Variants in KMT2B observed in about 807,000 individuals in gnomAD.
KMT2B encodes the protein histone-lysine N-methyltransferase 2B.
KMT2B carries 22 observed loss-of-function variants against 255.3 expected under a neutral mutation model. The ratio of observed to expected loss-of-function variants is 0.09; its 90% CI spans 0.06 to 0.12. The LOEUF is 0.12. KMT2B is among the 10% of genes least tolerant of loss of function. The pLI is 1.00. For synonymous variants in KMT2B, 1,730 were observed against 1,498.1 expected, an observed-to-expected ratio of 1.15 and a Z score of -3.57; for missense variants, 3,149 against 3,737.0, an observed-to-expected ratio of 0.84 and a Z score of 4.10.
rs1458319539 is a variant in KMT2B at position 35,725,346 on chromosome 19, C to T, written c.3642+13C>T. 1.3e-6 allele frequency: 2 copies of T among 1,556,274 alleles called. No individual in the cohort carries two copies. The highest frequency in any genetic ancestry group is 2.3e-5 in the East Asian group (1 of 44,404). Reference sequence around the variant, plus strand: ...AGGACTCCACGAGGTTAGATCTCTGCCTTTCTTCACAGACCCCCAGCTCTC... The same window carrying T: ...AGGACTCCACGAGGTTAGATCTCTGTCTTTCTTCACAGACCCCCAGCTCTC... On this transcript the variant is annotated intron_variant, in intron 11 of 36. Transcript: ENST00000420124. The surrounding 1 kb of genome is among the most constrained non-coding windows in gnomAD (Gnocchi z 4.1).
Position 35,730,464 on chromosome 19 carries a change from T to C in KMT2B, c.5197+2T>C. 1 of 1,613,902 alleles carries C rather than the reference T, an allele frequency of 6.2e-7. No homozygotes were observed. The highest frequency in any genetic ancestry group is 8.5e-7 in the Non-Finnish European group (1 of 1,179,774). ...CCGATGCCATCAACGTGCTCATTGG[T>C]AAGCTGCCTGCTCTCCGCCCTGTCC... On this transcript the variant is annotated splice_donor_variant, in intron 24 of 36. Coordinates refer to ENST00000420124, the MANE Select transcript of KMT2B (RefSeq NM_014727.3). LOFTEE classifies it high-confidence loss of function.
chr19:35,723,251 T>C lies in KMT2B; in HGVS notation c.2979T>C (p.Pro993=). Residue 993 remains proline (P), a synonymous_variant, in exon 6 of 37, where the codon CCT becomes CCC. Transcript: ENST00000420124. This position sits in a 1 kb window ranked among gnomAD's most constrained non-coding sequence, Gnocchi z 7.5. ...TAGACAAGCCCAAGTTTGGGGGCCC[T>C]AACACCAAGAAGCAGTGCTGTGTGT... ...NCLDKPKFGG[P]NTKKQCCVYR... The C allele has an allele frequency of 1.9e-6, 3 of 1,613,078 alleles. No individual in the cohort carries two copies. The highest frequency in any genetic ancestry group is 2.5e-6 in the Non-Finnish European group (3 of 1,179,774).
Position 35,718,284 on chromosome 19 carries a change from T to C in KMT2B, c.266T>C (p.Val89Ala). ...RLRRLWAGPR[V>A]QRGRGRGRGR... The stretch of plus-strand genomic sequence containing the variant: ...CGCCGCCTGTGGGCCGGCCCGCGGG[T>C]CCAGCGGGGCCGGGGACGGGGTCGG... The change falls in exon 1 of 37, where the codon GTC (valine) becomes GCC (alanine). Residue 89 changes from valine (V) to alanine (A), a missense_variant. This residue lies in a region of KMT2B where 1,188 missense variants were observed against 1,106.4 expected (regional missense o/e 1.07). Transcript: ENST00000420124. The surrounding 1 kb of genome is among the most constrained non-coding windows in gnomAD (Gnocchi z 5.0). 8.2e-7 allele frequency: 1 copy of C among 1,222,626 alleles called. No homozygotes were observed. The highest frequency in any genetic ancestry group is 1.0e-6 in the Non-Finnish European group (1 of 973,822). The allele number at this position is 1,222,626 out of a possible 1,614,324, so 75.7% of individuals were successfully genotyped here.
Position 35,723,491 on chromosome 19 carries a change from T to C in KMT2B, c.3047T>C (p.Leu1016Pro), listed in dbSNP as rs1969301123. The C allele has an allele frequency of 6.4e-7, 1 of 1,571,112 alleles. No individual in the cohort carries two copies. The highest frequency in any genetic ancestry group is 1.4e-5 in the African/African-American group (1 of 73,618). ...DKIEARKMER[L>P]AKKGRTIVKT... ...ATAGAGGCTCGGAAGATGGAACGAC[T>C]GGCTAAAAAAGGTGACGAGCTTTAA... Residue 1016 changes from leucine (L) to proline (P), a missense_variant, in exon 7 of 37, where the codon CTG (leucine) becomes CCG (proline). By Grantham distance (98) the Leu-to-Pro change is moderately conservative. Around this residue, in one of 18 missense-constraint regions of KMT2B, gnomAD observed 50 missense variants for 71.9 expected, o/e 0.70. Transcript: ENST00000420124. The surrounding 1 kb of genome is among the most constrained non-coding windows in gnomAD (Gnocchi z 7.5).
chr19:35,732,685 G>C lies in KMT2B; in HGVS notation c.6136G>C (p.Gly2046Arg). Residue 2046 changes from glycine (G) to arginine (R), a missense_variant, in exon 28 of 37, where the codon GGT becomes CGT. Gly to Arg is a moderately radical substitution (Grantham distance 125). Coordinates refer to ENST00000420124, the MANE Select transcript of KMT2B (RefSeq NM_014727.3). ...HFPVTVVSAP[G>R]LAPSATPGAP... Reference sequence around the variant, plus strand: ...CCCTGTGACTGTGGTGTCCGCCCCTGGTCTGGCCCCCAGCGCTACCCCTGG... The same window carrying C: ...CCCTGTGACTGTGGTGTCCGCCCCTCGTCTGGCCCCCAGCGCTACCCCTGG... The C allele has an allele frequency of 2.5e-6, 4 of 1,609,194 alleles. No individual in the cohort carries two copies. Among genetic ancestry groups the C allele is most frequent in the Non-Finnish European group, 3.4e-6 (4 of 1,178,076 alleles).
intron 30 of KMT2B, among the ~76,000 whole-genome samples, chr19:35,734,411 T>C (rs988094281): frequency 2.0e-5 from 3 of 152,114 alleles, no homozygotes; most frequent in African/African-American, 7.2e-5. Flanking sequence ...GAGACCATGG[T>C]TGAAGAAGGC....
rs1377570331 is a variant in KMT2B at position 35,727,314 on chromosome 19, AC to A, written c.4117+49del. ...GGGCTGCAGCCTCAACCCTGTGGGG[AC>A]CCCTGCCCCCACCACAGGCCCCAAG... On this transcript the variant is annotated intron_variant, in intron 15 of 36. Transcript: ENST00000420124. The surrounding 1 kb of genome is among the most constrained non-coding windows in gnomAD (Gnocchi z 4.2). 1.3e-6 allele frequency: 2 copies of A among 1,572,356 alleles called. No individual in the cohort carries two copies. The highest frequency in any genetic ancestry group is 1.7e-5 in the Admixed American group (1 of 59,840).
rs756417331 is a variant in KMT2B at position 35,719,525 on chromosome 19, G to C, written c.420G>C (p.Ala140=). The change falls in exon 2 of 37, where the codon GCG becomes GCC. Residue 140 remains alanine (A), a synonymous_variant. Coordinates refer to ENST00000420124, the MANE Select transcript of KMT2B (RefSeq NM_014727.3). ...TGGCCCCCAGTTCCCTGCGCTCTGC[G>C]CTCCGATCCCAGCGAGGTGAGTGAC... ...EDVAPSSLRS[A]LRSQRGRAPR... 3 of 1,591,390 alleles carry C rather than the reference G, an allele frequency of 1.9e-6. No individual in the cohort carries two copies. The highest frequency in any genetic ancestry group is 2.7e-5 in the African/African-American group (2 of 74,406).
At position 35,727,402 on chromosome 19, in the gene KMT2B, G is replaced by A. The variant is rs1398793780; in HGVS notation, c.4118-36G>A. The A allele has an allele frequency of 6.2e-7, 1 of 1,611,570 alleles. No homozygotes were observed. The highest frequency in any genetic ancestry group is 8.5e-7 in the Non-Finnish European group (1 of 1,178,502). On this transcript the variant is annotated intron_variant, in intron 15 of 36. Coordinates refer to ENST00000420124, the MANE Select transcript of KMT2B (RefSeq NM_014727.3). The surrounding 1 kb of genome is among the most constrained non-coding windows in gnomAD (Gnocchi z 4.2). ...GCTGCTGGGAGCCCTCACATCCTCT[G>A]AAACCACTTTTCCCTTTCCCACTTG...
chr19:35,734,453 C>G (rs914980092), intron 30 of KMT2B, among the ~76,000 whole-genome samples: 1 of 152,144 alleles, frequency 6.6e-6, no homozygotes, highest in Non-Finnish European at 1.5e-5. Flanking sequence ...CAGAGTTCAG[C>G]TAAGGATCGG....
chr19:35,722,429 G>C lies in KMT2B; in HGVS notation c.2528G>C (p.Arg843Pro), dbSNP rs765533021. 1.2e-6 allele frequency: 2 copies of C among 1,610,358 alleles called. No individual in the cohort carries two copies. Among genetic ancestry groups the C allele is most frequent in the Non-Finnish European group, 1.7e-6 (2 of 1,179,826 alleles). ...CAGATCTCCGACAGAGGCCCTGTCC[G>C]GTCTGAAGATGAGTCGGTGGAAGCT... ...VKQISDRGPV[R>P]SEDESVEAKR... Residue 843 changes from arginine to proline, a missense_variant, in exon 4 of 37, where the codon CGG becomes CCG. Around this residue, in one of 18 missense-constraint regions of KMT2B, gnomAD observed 1,188 missense variants for 1,106.4 expected, o/e 1.07. Transcript: ENST00000420124.
Position 35,727,448 on chromosome 19 carries a change from C to T in KMT2B, c.4128C>T (p.Tyr1376=), listed in dbSNP as rs147091696. Residue 1376 remains tyrosine, a synonymous_variant, in exon 16 of 37, where the codon TAC becomes TAT. Coordinates refer to ENST00000420124, the MANE Select transcript of KMT2B (RefSeq NM_014727.3). This position sits in a 1 kb window ranked among gnomAD's most constrained non-coding sequence, Gnocchi z 4.2. ...ACTTGGCTATCCTAGATGAAGACTA[C>T]GAGATCCTTTCAGGACTGCCAGACT... The part of the protein sequence containing the change: ...AKCEGLSDED[Y]EILSGLPDSV... The T allele has an allele frequency of 1.2e-4, 201 of 1,613,254 alleles. No individual in the cohort carries two copies. The highest frequency in any genetic ancestry group is 3.0e-4 in the South Asian group (27 of 91,090).
At position 35,725,437 on chromosome 19, in the gene KMT2B, C is replaced by T; in HGVS notation, c.3643-42C>T. 2.5e-6 allele frequency: 4 copies of T among 1,603,610 alleles called. No homozygotes were observed. The highest frequency in any genetic ancestry group is 2.6e-6 in the Non-Finnish European group (3 of 1,176,386). On this transcript the variant is annotated intron_variant, in intron 11 of 36. Coordinates refer to ENST00000420124, the MANE Select transcript of KMT2B (RefSeq NM_014727.3). This position sits in a 1 kb window ranked among gnomAD's most constrained non-coding sequence, Gnocchi z 4.1. ...GGGTCTCATCCCTTGGCCCTCTGGC[C>T]TCATGCTATGCCCATCATTCACTCC...
chr19:35,726,977 C>T (rs1969477867), intron 14 of KMT2B, among the ~76,000 whole-genome samples, 179 bp from the exon 15 acceptor site: 2 of 121,680 alleles, frequency 1.6e-5, no homozygotes, highest in African/African-American at 3.4e-5. Context: ...GAGCAAGACA[C>T]TGTCTCAAAA....
chr19:35,730,128 G>A lies in KMT2B; in HGVS notation c.5076+3G>A. ...ACACTGATCTCCTGGATGGCAAGGT[G>A]GGCCAGAACTGTGGGGTACACGGTT... On this transcript the variant is annotated splice_donor_region_variant and intron_variant, in intron 23 of 36. Coordinates refer to ENST00000420124, the MANE Select transcript of KMT2B (RefSeq NM_014727.3). The A allele has an allele frequency of 1.9e-6, 3 of 1,613,602 alleles. No individual in the cohort carries two copies. Among genetic ancestry groups the A allele is most frequent in the Non-Finnish European group, 2.5e-6 (3 of 1,179,732 alleles).
chr19:35,728,247 T>C (rs1463063034), intron 19 of KMT2B, 76 bp downstream of exon 19: 9 of 1,259,186 alleles, frequency 7.1e-6, no homozygotes, highest in Non-Finnish European at 1.0e-5. Context: ...CACGCTGGGC[T>C]GAGAAGAGAT....
rs760121520 is a variant in KMT2B, at chr19:35,730,107, T to G, written c.5058T>G (p.Thr1686=). 6.2e-7 allele frequency: 1 copy of G among 1,613,568 alleles called. No homozygotes were observed. The highest frequency in any genetic ancestry group is 8.5e-7 in the Non-Finnish European group (1 of 1,179,782). The change falls in exon 23 of 37, where the codon ACT becomes ACG. Residue 1686 remains threonine, a synonymous_variant. Transcript: ENST00000420124. ...AGAAAGTCTTCTGCCAGAAACACAC[T>G]GATCTCCTGGATGGCAAGGTGGGCC... ...DDKKVFCQKH[T]DLLDGKEIVN...
intron 9 of KMT2B, 38 bp downstream of exon 9, chr19:35,724,769 G>A: frequency 6.6e-7 from 1 of 1,526,008 alleles, no homozygotes; most frequent in Non-Finnish European, 8.9e-7. Flanking sequence ...TTCCCTCCAG[G>A]AGCTACCTGG....
rs1599704590 is a variant in KMT2B at position 35,737,548 on chromosome 19, G to A, written c.7551-88G>A. ...AAAATTTAAAAAAGTTATTTCTAGA[G>A]CTGACATCAGAAAAATGAACCCCAC... is the stretch of plus-strand genomic sequence containing the variant. On this transcript the variant is annotated intron_variant, in intron 33 of 36. Transcript: ENST00000420124. This position sits in a 1 kb window ranked among gnomAD's most constrained non-coding sequence, Gnocchi z 5.3. 1 of 918,880 alleles carries A rather than the reference G, an allele frequency of 1.1e-6. No individual in the cohort carries two copies. The allele number at this position is 918,880 out of a possible 1,614,324, so 56.9% of individuals were successfully genotyped here. A position where few individuals can be genotyped will look rare whatever the true frequency, so the allele number is the denominator to read the frequency against.
Sources: gnomAD v4.1 joint callset for allele counts (sites outside exome capture counted in the v4.1 genomes callset) on GRCh38, gnomAD v4.1.1 for gene constraint, gnomAD v4.1.1 regional missense constraint, Gnocchi (gnomAD v3.1) non-coding constraint, MANE v1.5 for transcripts, NCBI Gene and HGNC (gene_info 2026-07-23, HGNC 2026-07-21) for gene names.